NSD3: variants seen among roughly 807,000 people sequenced by gnomAD.
NSD3 encodes nuclear receptor binding SET domain protein 3, also known as histone-lysine N-methyltransferase NSD3.
Under a neutral mutation model 160.8 loss-of-function variants are expected in NSD3, and 24 were observed. The observed-to-expected ratio is 0.15, with a 90% CI of 0.11 to 0.21. The LOEUF is 0.21. Among genes scored for constraint, NSD3 ranks in the 10% least tolerant of loss-of-function variants. NSD3 has a pLI of 1.00. For synonymous variants in NSD3, 520 were observed against 600.0 expected (o/e 0.87, Z 1.95); for missense variants, 1,157 against 1,735.9 (o/e 0.67, Z 5.93).
At position 38,375,726 on chromosome 8, in the gene NSD3, A is replaced by T. The variant is rs550166262; in HGVS notation, c.-45+6073T>A. The stretch of plus-strand genomic sequence containing the variant: ...CCTGCAGAAATAAAGTTCACCATTC[A>T]TTTAAAAACTCAAATGCTGGACATG... On this transcript the variant is annotated intron_variant, in intron 1 of 23. Coordinates refer to ENST00000317025, the MANE Select transcript of NSD3 (RefSeq NM_023034.2). 1.2e-3 allele frequency among the ~76,000 whole-genome samples: 190 copies of T among 152,184 alleles called. 1 individual carries two copies. Among genetic ancestry groups the T allele is most frequent in the South Asian group, 3.3e-3 (16 of 4,830 alleles).
intron 14 of NSD3, chr8:38,303,076 C>A (rs576122246): frequency 4.0e-6 from 1 of 247,772 alleles, no homozygotes; most frequent in Non-Finnish European, 6.4e-6. Flanking sequence ...TATTAAAATG[C>A]GGGCTAAATT....
chr8:38,317,479 C>T lies in NSD3; in HGVS notation c.1855+1416G>A, dbSNP rs1411681483. 5 of 1,055,854 alleles carry T rather than the reference C, an allele frequency of 4.7e-6. No individual in the cohort carries two copies. Among genetic ancestry groups the T allele is most frequent in the East Asian group, 5.4e-5 (1 of 18,358 alleles). 65.4% of individuals were successfully genotyped at this position (1,055,854 alleles called of 1,614,324 possible). On this transcript the variant is annotated intron_variant, in intron 9 of 23. Coordinates refer to ENST00000317025, the MANE Select transcript of NSD3 (RefSeq NM_023034.2). This position sits in a 1 kb window ranked among gnomAD's most constrained non-coding sequence, Gnocchi z 5.3. ...AGGGAAACACAGGTACCGCCATTTC[C>T]GATGAGTTTCTGAAAATGCTAGAAA...
intron 12 of NSD3, among the ~76,000 whole-genome samples, chr8:38,308,458 T>C (rs1169526031): frequency 1.3e-5 from 2 of 152,062 alleles, no homozygotes; most frequent in African/African-American, 4.8e-5. Context: ...TAAAAAAATA[T>C]ATTTAAAAGG....
chr8:38,331,323 TA>T, intron 5 of NSD3, 107 bp downstream of exon 5: 12 of 1,304,348 alleles, frequency 9.2e-6, no homozygotes, highest in African/African-American at 3.0e-5. Context: ...GAAAGGGGTT[TA>T]AAAAAAGGAT....
chr8:38,312,386 C>T (rs1809553926), intron 12 of NSD3, among the ~76,000 whole-genome samples: 1 of 152,094 alleles, frequency 6.6e-6, no homozygotes, highest in African/African-American at 2.4e-5. Context: ...AAGAATTCTC[C>T]TGGATTCTAG....
chr8:38,289,399 G>A lies in NSD3; in HGVS notation c.3225C>T (p.His1075=), dbSNP rs1350086243. ...KNSRKPPPYK[H]IKANKVIGKV... is the part of the protein sequence containing the mutation. ...GCCAGAGATAAAGACTTACTTTGAT[G>A]TGTTTGTAGGGAGGGGGTTTTCTTG... The change falls in exon 18 of 24, where the codon CAC becomes CAT. Residue 1075 remains histidine, a synonymous_variant. Coordinates refer to ENST00000317025, the MANE Select transcript of NSD3 (RefSeq NM_023034.2). The A allele has an allele frequency of 3.1e-6, 5 of 1,611,642 alleles. No homozygotes were observed. Among genetic ancestry groups the A allele is most frequent in the Non-Finnish European group, 2.5e-6 (3 of 1,179,102 alleles).
rs1432741136 is a variant in NSD3 at position 38,290,339 on chromosome 8, T to C, written c.3118+136A>G. ...ATTTTAAACCTGGTTCTAATGTGACTGGAAGCTTATGGACACAGGATCATA... is the reference window on the plus strand; with the variant it reads ...ATTTTAAACCTGGTTCTAATGTGACCGGAAGCTTATGGACACAGGATCATA... On this transcript the variant is annotated intron_variant, in intron 17 of 23. Transcript: ENST00000317025. The C allele has an allele frequency of 3.5e-6, 3 of 868,140 alleles. No homozygotes were observed. The African/African-American group carries it at 5.0e-5, about 14-fold the overall frequency. 53.8% of individuals were successfully genotyped at this position (868,140 alleles called of 1,614,324 possible).
intron 6 of NSD3, among the ~76,000 whole-genome samples, chr8:38,327,206 C>T (rs955028021): frequency 5.9e-5 from 9 of 151,818 alleles, no homozygotes; most frequent in South Asian, 2.1e-4. Flanking sequence ...CGTGCCACCA[C>T]GCCCTGCTAA....
intron 15 of NSD3, among the ~76,000 whole-genome samples, chr8:38,296,701 T>C (rs1320488318): frequency 6.6e-6 from 1 of 151,146 alleles, no homozygotes; most frequent in African/African-American, 2.4e-5. Flanking sequence ...TGTGTGTGTG[T>C]GTGTGTGTGT....
chr8:38,339,715 A>G (rs1810312825), intron 2 of NSD3, among the ~76,000 whole-genome samples: 1 of 149,454 alleles, frequency 6.7e-6, no homozygotes, highest in African/African-American at 2.5e-5. Context: ...ACAGAGCAAG[A>G]CTCCATCTCA....
chr8:38,289,596 G>T, intron 17 of NSD3, 91 bp from the exon 18 acceptor site: 1 of 1,145,972 alleles, frequency 8.7e-7, no homozygotes, highest in Admixed American at 2.3e-5. Flanking sequence ...CCAATGCTTT[G>T]CATCTGGCCT....
chr8:38,306,037 C>A lies in NSD3; in HGVS notation c.2243-592G>T, dbSNP rs144113718. 4.6e-3 allele frequency among the ~76,000 whole-genome samples: 704 copies of A among 152,020 alleles called. 15 individuals are homozygous for A. The highest frequency in any genetic ancestry group is 0.034 in the East Asian group (178 of 5,184). On this transcript the variant is annotated intron_variant, in intron 12 of 23. Transcript: ENST00000317025. ...TCAAAGGGCTGAAAGAAAATAATTA[C>A]CAAACCAGAATTCTATACCCAGTGA...
chr8:38,314,099 T>C (rs947656711), intron 12 of NSD3, among the ~76,000 whole-genome samples: 2 of 152,240 alleles, frequency 1.3e-5, no homozygotes, highest in African/African-American at 2.4e-5. Flanking sequence ...TACGACTTGC[T>C]TTCCATGATA....
chr8:38,320,432 T>G lies in NSD3; in HGVS notation c.1809+640A>C, dbSNP rs987492299. ...AGAAGAATGGCTTCTAAAATTTTATTTGAAAAGTTGATTTAAATGTATCTT... is the reference window on the plus strand; with the variant it reads ...AGAAGAATGGCTTCTAAAATTTTATGTGAAAAGTTGATTTAAATGTATCTT... On this transcript the variant is annotated intron_variant, in intron 8 of 23. Coordinates refer to ENST00000317025, the MANE Select transcript of NSD3 (RefSeq NM_023034.2). The G allele has an allele frequency of 3.9e-5, 6 of 152,136 alleles. No individual in the cohort carries two copies. The East Asian group carries it at 1.2e-3, about 29-fold the overall frequency. The allele number at this position is 152,136 out of a possible 1,614,324, so 9.4% of individuals were successfully genotyped here.
At chr8:38,337,975 C>T (rs1164035297) in intron 3 of NSD3, among the ~76,000 whole-genome samples, 1 of 152,108 alleles carries the variant, frequency 6.6e-6, no homozygotes, top group African/African-American at 2.4e-5. Flanking sequence ...TTGATGGTTT[C>T]TGTTGCCAAA....
chr8:38,286,876 C>T (rs989893934), intron 19 of NSD3, among the ~76,000 whole-genome samples: 1 of 152,224 alleles, frequency 6.6e-6, no homozygotes, highest in Non-Finnish European at 1.5e-5. Context: ...ACACGGCAAA[C>T]AGCGCCTCCT....
intron 15 of NSD3, among the ~76,000 whole-genome samples, chr8:38,296,571 C>G (rs143481043): frequency 6.6e-6 from 1 of 152,034 alleles, no homozygotes; most frequent in Non-Finnish European, 1.5e-5. Context: ...TGGTTTGCAA[C>G]TTTTTCATCA....
intron 2 of NSD3, among the ~76,000 whole-genome samples, chr8:38,345,169 CTCTTTACT>C (rs1352371546): frequency 6.6e-6 from 1 of 151,134 alleles, no homozygotes; most frequent in Admixed American, 6.6e-5. Context: ...AAGAACTTAC[CTCTTTACT>C]TCTTTGAAGG....
chr8:38,276,498 C>T lies in NSD3; in HGVS notation c.3870G>A (p.Ser1290=), dbSNP rs373828307. The T allele has an allele frequency of 1.7e-5, 28 of 1,613,908 alleles. No individual in the cohort carries two copies. The highest frequency in any genetic ancestry group is 6.7e-5 in the Admixed American group (4 of 59,988). Residue 1290 remains serine, a splice_region_variant and synonymous_variant, in exon 23 of 24, where the codon TCG becomes TCA. Coordinates refer to ENST00000317025, the MANE Select transcript of NSD3 (RefSeq NM_023034.2). Reference sequence around the variant, plus strand: ...TCTCTTCATTTGTTGACGCACATGCCGACTGGCAGGAAAGAAAGGATCATA... The same window carrying T: ...TCTCTTCATTTGTTGACGCACATGCTGACTGGCAGGAAAGAAAGGATCATA... The part of the protein sequence containing the change: ...CSGFLGVRPK[S]ACASTNEEKA...
Sources: gnomAD v4.1 joint callset for allele counts (sites outside exome capture counted in the v4.1 genomes callset) on GRCh38, gnomAD v4.1.1 for gene constraint, Gnocchi (gnomAD v3.1) non-coding constraint, MANE v1.5 for transcripts, NCBI Gene and HGNC (gene_info 2026-07-23, HGNC 2026-07-21) for gene names.